TRIP12: variants seen among roughly 807,000 people sequenced by gnomAD.
TRIP12 encodes the protein E3 ubiquitin-protein ligase TRIP12.
Under a neutral mutation model 244.2 loss-of-function variants are expected in TRIP12, and 25 were observed. The observed-to-expected ratio is 0.10, with a 90% CI of 0.07 to 0.14. The LOEUF is 0.14. Ranked by LOEUF, TRIP12 falls within the 10% of genes least tolerant of loss-of-function variation. TRIP12 has a pLI of 1.00. For synonymous variants in TRIP12, 905 were observed against 873.1 expected, an observed-to-expected ratio of 1.04 and a Z score of -0.64; for missense variants, 1,677 against 2,486.4, an observed-to-expected ratio of 0.67 and a Z score of 6.92.
In TRIP12 at chr2:229,790,542, G is replaced by C. The variant is rs571379548; in HGVS notation, c.4543+582C>G. Among the ~76,000 whole-genome samples the C allele has an allele frequency of 4.2e-4, 36 of 86,576 alleles. No homozygotes were observed. The East Asian group carries it at 9.0e-3, about 22-fold the overall frequency. The allele number at this position is 86,576 out of a possible 152,430, so 56.8% of individuals were successfully genotyped here. Reference sequence around the variant, plus strand: ...GGCAGGGGGCAGGGAGCAGGGGGAGGGGGGGGTGTCCTCCATGGAACAATA... The same window carrying C: ...GGCAGGGGGCAGGGAGCAGGGGGAGCGGGGGGTGTCCTCCATGGAACAATA... On this transcript the variant is annotated intron_variant, in intron 30 of 41. Transcript: ENST00000675903.
chr2:229,790,317 T>C (rs1410912362), intron 30 of TRIP12, among the ~76,000 whole-genome samples: 6 of 152,198 alleles, frequency 3.9e-5, no homozygotes, highest in African/African-American at 1.2e-4. Flanking sequence ...ACAGTTGCCA[T>C]TTACTTATAG....
intron 9 of TRIP12, among the ~76,000 whole-genome samples, chr2:229,815,613 C>T (rs2048309307): frequency 6.6e-6 from 1 of 151,980 alleles, no homozygotes; most frequent in African/African-American, 2.4e-5. Context: ...TAACCCCTTT[C>T]AGAAGCCTAT....
rs182228906 is a variant in TRIP12 at position 229,838,537 on chromosome 2, G to A, written c.1134-1553C>T. 8.3e-4 allele frequency among the ~76,000 whole-genome samples: 127 copies of A among 152,290 alleles called. 1 individual carries two copies. Among genetic ancestry groups the A allele is most frequent in the Middle Eastern group, 3.4e-3 (1 of 294 alleles). On this transcript the variant is annotated intron_variant, in intron 5 of 41. Coordinates refer to ENST00000675903, the MANE Select transcript of TRIP12 (RefSeq NM_001348323.3). ...GGTAATTTCGCACGTGCTAATTATCGTTGAGTAGAAGGAGAGACGGTTGCA... is the reference window on the plus strand; with the variant it reads ...GGTAATTTCGCACGTGCTAATTATCATTGAGTAGAAGGAGAGACGGTTGCA...
At chr2:229,807,906 T>C in intron 16 of TRIP12, 42 bp from the exon 17 acceptor site, 1 of 1,568,128 alleles carries the variant, frequency 6.4e-7, no homozygotes, top group South Asian at 1.2e-5. Flanking sequence ...CTTTATGAAA[T>C]ATTAGTAAAC....
intron 18 of TRIP12, 62 bp downstream of exon 18, chr2:229,805,668 A>C (rs2045703684): frequency 3.6e-6 from 5 of 1,382,326 alleles, no homozygotes; most frequent in Non-Finnish European, 4.8e-6. Flanking sequence ...ATTATTATTT[A>C]TTATGCAAAC....
chr2:229,877,144 T>C (rs567048763), intron 2 of TRIP12, among the ~76,000 whole-genome samples: 2 of 152,130 alleles, frequency 1.3e-5, no homozygotes, highest in African/African-American at 4.8e-5. Flanking sequence ...TCTTCTCAAC[T>C]ACTTGCGATG....
At chr2:229,874,952 G>A (rs532014573) in intron 2 of TRIP12, among the ~76,000 whole-genome samples, 6 of 152,254 alleles carry the variant, frequency 3.9e-5, no homozygotes, top group South Asian at 2.1e-4. Flanking sequence ...TAATAAAAAC[G>A]CTACTGCATT....
At chr2:229,793,313 G>T in intron 26 of TRIP12, 168 bp from the exon 27 acceptor site, 1 of 638,230 alleles carries the variant, frequency 1.6e-6, no homozygotes, top group South Asian at 3.8e-5. Context: ...AAGTTATTTA[G>T]AAAAAATTTT....
intron 1 of TRIP12, among the ~76,000 whole-genome samples, chr2:229,901,491 C>T (rs2070812327): frequency 2.0e-5 from 3 of 151,456 alleles, no homozygotes; most frequent in South Asian, 2.1e-4. Context: ...GGTGTGGTGG[C>T]GCACACTTGT....
chr2:229,821,327 T>C (rs1256453486), intron 8 of TRIP12, among the ~76,000 whole-genome samples: 1 of 152,192 alleles, frequency 6.6e-6, no homozygotes, highest in Non-Finnish European at 1.5e-5. Context: ...TTTGACCTTA[T>C]AGAACTCATT....
At chr2:229,813,114 C>T (rs2047668917) in intron 13 of TRIP12, among the ~76,000 whole-genome samples, 1 of 152,144 alleles carries the variant, frequency 6.6e-6, no homozygotes, top group African/African-American at 2.4e-5. Flanking sequence ...TGCTCTTCTC[C>T]AACCCCAGAT....
intron 1 of TRIP12, among the ~76,000 whole-genome samples, chr2:229,883,909 G>A (rs2065389389): frequency 6.6e-6 from 1 of 152,066 alleles, no homozygotes; most frequent in Admixed American, 6.5e-5. Context: ...ATGAGTTCGA[G>A]ACCACCCTGG....
chr2:229,840,280 T>G (rs953169653), intron 5 of TRIP12, among the ~76,000 whole-genome samples: 1 of 152,152 alleles, frequency 6.6e-6, no homozygotes, highest in African/African-American at 2.4e-5. Context: ...AAGATAAAAG[T>G]ATCGTCAAGA....
In TRIP12 at chr2:229,764,480, A is replaced by G. The variant is rs1354193940; in HGVS notation, c.*3074T>C. 1 of 152,260 alleles carries G rather than the reference A, an allele frequency of 6.6e-6. No homozygotes were observed. Among genetic ancestry groups the G allele is most frequent in the Admixed American group, 6.5e-5 (1 of 15,294 alleles). 9.4% of individuals were successfully genotyped at this position (152,260 alleles called of 1,614,324 possible). ...CAGAATCCTCCAAAAAGGATTTGGC[A>G]TATGAATGCACTTTTATGAAAAACT... is the stretch of plus-strand genomic sequence containing the variant. On this transcript the variant is annotated 3_prime_UTR_variant, in exon 42 of 42. Coordinates refer to ENST00000675903, the MANE Select transcript of TRIP12 (RefSeq NM_001348323.3).
chr2:229,901,203 G>C (rs1368310731), intron 1 of TRIP12, among the ~76,000 whole-genome samples: 1 of 151,364 alleles, frequency 6.6e-6, no homozygotes, highest in Non-Finnish European at 1.5e-5. Flanking sequence ...CAAAGTGCTG[G>C]GATTACAGTC....
Position 229,771,145 on chromosome 2 carries a change from G to C in TRIP12, c.5808+374C>G, listed in dbSNP as rs76499596. On this transcript the variant is annotated intron_variant, in intron 39 of 41. Transcript: ENST00000675903. ...TTGTGAAACAATGTCTCATCGAAAC[G>C]AAGTTTAGTTAAGGAATAAAGTCAA... Among the ~76,000 whole-genome samples, 26 of 152,262 alleles carry C rather than the reference G, an allele frequency of 1.7e-4. No individual in the cohort carries two copies. In the East Asian group the frequency reaches 5.0e-3, roughly 29 times the overall value.
In TRIP12 at chr2:229,807,693, C is replaced by T. The variant is rs369145953; in HGVS notation, c.2496+15G>A. The T allele has an allele frequency of 2.0e-5, 32 of 1,613,940 alleles. No homozygotes were observed. The highest frequency in any genetic ancestry group is 6.7e-5 in the African/African-American group (5 of 74,910). Reference sequence around the variant, plus strand: ...ACAAAATAGACACATTTAAACGGTACGATGAAACTACTACCTCAATGATCC... The same window carrying T: ...ACAAAATAGACACATTTAAACGGTATGATGAAACTACTACCTCAATGATCC... On this transcript the variant is annotated intron_variant, in intron 17 of 41. Coordinates refer to ENST00000675903, the MANE Select transcript of TRIP12 (RefSeq NM_001348323.3).
chr2:229,789,200 A>G (rs1175303018), intron 31 of TRIP12, among the ~76,000 whole-genome samples: 1 of 152,180 alleles, frequency 6.6e-6, no homozygotes, highest in Non-Finnish European at 1.5e-5. Context: ...TCATTCAGTG[A>G]TGTTGCAGCT....
In TRIP12 at chr2:229,856,490, G is replaced by T. The variant is rs552137858; in HGVS notation, c.1027+2282C>A. On this transcript the variant is annotated intron_variant, in intron 4 of 41. Transcript: ENST00000675903. ...AAATCAAGTTAACAGACTATATAAA[G>T]AAAAGAAAGCTGATCTCTACAAAGG... is the stretch of plus-strand genomic sequence containing the variant. 7.2e-5 allele frequency among the ~76,000 whole-genome samples: 11 copies of T among 152,268 alleles called. 1 individual carries two copies. In the South Asian group the frequency reaches 1.5e-3, roughly 20 times the overall value.
Sources: gnomAD v4.1 joint callset for allele counts (sites outside exome capture counted in the v4.1 genomes callset) on GRCh38, gnomAD v4.1.1 for gene constraint, MANE v1.5 for transcripts, NCBI Gene and HGNC (gene_info 2026-07-23, HGNC 2026-07-21) for gene names.